The following EMC2 variants were observed in gnomAD, a reference collection of about 807,000 sequenced individuals.
EMC2 encodes TPR repeat protein 35.
In EMC2, 37 loss-of-function variants were observed where a neutral mutation model predicts 51.6. The observed-to-expected ratio is 0.72, with a 90% CI of 0.55 to 0.94. EMC2 has a LOEUF of 0.94. Ranked by LOEUF, EMC2 falls within the 40% of genes least tolerant of loss-of-function variation. The pLI, the probability that EMC2 is intolerant of heterozygous loss-of-function variation, is 0.00. For missense variants in EMC2, 359 were observed against 350.9 expected (o/e 1.02, Z -0.18); for synonymous variants, 131 against 112.4 (o/e 1.17, Z -1.04).
In EMC2 at chr8:108,486,493, T is replaced by TTA. The variant is rs1811140877; in HGVS notation, c.808-18_808-17insAT. 6 of 1,509,700 alleles carry TTA rather than the reference T, an allele frequency of 4.0e-6. No homozygotes were observed. Among genetic ancestry groups the TTA allele is most frequent in the Non-Finnish European group, 5.3e-6 (6 of 1,137,202 alleles). 93.5% of individuals were successfully genotyped at this position (1,509,700 alleles called of 1,614,324 possible). On this transcript the variant is annotated intron_variant, in intron 10 of 10. Transcript: ENST00000220853. Reference sequence around the variant, plus strand: ...TGAAATTGAGCCTAATTGAGCTTTTTTTTTTTTTTTTTAATTAGTTTGCAG... The same window carrying TTA: ...TGAAATTGAGCCTAATTGAGCTTTTTTATTTTTTTTTTTTAATTAGTTTGCAG...
At chr8:108,469,728 T>G in intron 5 of EMC2, 98 bp from the exon 6 acceptor site, 1 of 955,454 alleles carries the variant, frequency 1.0e-6, no homozygotes, top group South Asian at 1.4e-5. Flanking sequence ...ATGGAATTTC[T>G]CTGGCATTGA....
intron 5 of EMC2, among the ~76,000 whole-genome samples, chr8:108,466,654 G>T (rs966501770): frequency 6.6e-6 from 1 of 151,902 alleles, no homozygotes; most frequent in African/African-American, 2.4e-5. Context: ...ACATTTTGCT[G>T]TGTTGTCCAG....
At chr8:108,466,442 A>ATTTTTTTTTTTTTTT (rs869102478) in intron 5 of EMC2, among the ~76,000 whole-genome samples, 1 of 91,036 alleles carries the variant, frequency 1.1e-5, no homozygotes, top group African/African-American at 4.7e-5. Flanking sequence ...CTATGATAGA[A>ATTTTTTTTTTTTTTT]TTTTTTTTTT....
chr8:108,445,690 A>G (rs1400601028), intron 1 of EMC2, among the ~76,000 whole-genome samples: 5 of 152,096 alleles, frequency 3.3e-5, no homozygotes, highest in African/African-American at 7.2e-5. Flanking sequence ...TGAAGCACTT[A>G]CCCAATTGTG....
At chr8:108,459,703 T>A (rs892134383) in intron 5 of EMC2, among the ~76,000 whole-genome samples, 3 of 126,346 alleles carry the variant, frequency 2.4e-5, no homozygotes, top group East Asian at 2.4e-4. Flanking sequence ...CCAAGCCATG[T>A]GAGAGAGAGA....
chr8:108,487,509 G>A lies in EMC2; in HGVS notation c.*911G>A, dbSNP rs1811164549. ...AACAACCATTATGCTACCTTCAACAGTATTTGACATGTTTCAACAAAATAG... is the reference window on the plus strand; with the variant it reads ...AACAACCATTATGCTACCTTCAACAATATTTGACATGTTTCAACAAAATAG... On this transcript the variant is annotated 3_prime_UTR_variant, in exon 11 of 11. Transcript: ENST00000220853. Among the ~76,000 whole-genome samples the A allele has an allele frequency of 6.6e-6, 1 of 151,724 alleles. No homozygotes were observed. Among genetic ancestry groups the A allele is most frequent in the Non-Finnish European group, 1.5e-5 (1 of 67,912 alleles).
At chr8:108,454,958 G>T (rs936597441) in intron 4 of EMC2, among the ~76,000 whole-genome samples, 1 of 151,940 alleles carries the variant, frequency 6.6e-6, no homozygotes, top group South Asian at 2.1e-4. Flanking sequence ...CCTTGTACCT[G>T]TATAAGTAAT....
At position 108,487,346 on chromosome 8, in the gene EMC2, G is replaced by A. The variant is rs1811161487; in HGVS notation, c.*748G>A. On this transcript the variant is annotated 3_prime_UTR_variant, in exon 11 of 11. Transcript: ENST00000220853. ...AATATTAAAGAATCATAAAGAGTAG[G>A]GATTAAAGGGGTTGTAGTTATTTTT... is the stretch of plus-strand genomic sequence containing the variant. Among the ~76,000 whole-genome samples the A allele has an allele frequency of 6.6e-6, 1 of 150,770 alleles. No homozygotes were observed. The highest frequency in any genetic ancestry group is 2.1e-4 in the South Asian group (1 of 4,710).
chr8:108,477,781 A>C (rs940154323), intron 9 of EMC2, among the ~76,000 whole-genome samples: 15 of 152,098 alleles, frequency 9.9e-5, no homozygotes, highest in Admixed American at 2.6e-4. Context: ...ACTAATATAC[A>C]ACAAATTAAT....
At chr8:108,459,855 T>C (rs1819270512) in intron 5 of EMC2, among the ~76,000 whole-genome samples, 3 of 90,048 alleles carry the variant, frequency 3.3e-5, no homozygotes, top group South Asian at 8.2e-4. Flanking sequence ...AACCTATCTG[T>C]AATAAAAAAT....
At chr8:108,453,239 T>A in intron 4 of EMC2, 92 bp downstream of exon 4, 1 of 578,500 alleles carries the variant, frequency 1.7e-6, no homozygotes, top group Non-Finnish European at 3.1e-6. Context: ...CTAGAGTGTG[T>A]GGAATACTGT....
At chr8:108,478,513 T>C (rs7817023) in intron 9 of EMC2, among the ~76,000 whole-genome samples, 103,856 of 151,818 alleles carry the variant, frequency 0.68, 36,100 homozygotes, top group African/African-American at 0.81. Context: ...ATCTCTCTTA[T>C]TGGACTTAAA....
intron 5 of EMC2, among the ~76,000 whole-genome samples, chr8:108,468,613 ACT>A (rs1563698221): frequency 2.6e-5 from 4 of 152,022 alleles, no homozygotes; most frequent in Non-Finnish European, 5.9e-5. Flanking sequence ...GAGCCAAATC[ACT>A]CTCTTACCAC....
At chr8:108,469,229 T>G (rs1408372576) in intron 5 of EMC2, among the ~76,000 whole-genome samples, 1 of 152,204 alleles carries the variant, frequency 6.6e-6, no homozygotes, top group African/African-American at 2.4e-5. Flanking sequence ...CTGGTACATA[T>G]TTGATGAATG....
chr8:108,452,131 G>C (rs1819039848), intron 3 of EMC2, among the ~76,000 whole-genome samples: 1 of 152,318 alleles, frequency 6.6e-6, no homozygotes, highest in Non-Finnish European at 1.5e-5. Flanking sequence ...ATGTTGCTGA[G>C]AATGTAGATA....
At chr8:108,462,221 G>GTGTGTGTGTGTGTGTGTGCA (rs1491394436) in intron 5 of EMC2, among the ~76,000 whole-genome samples, 1 of 102,200 alleles carries the variant, frequency 9.8e-6, no homozygotes, top group East Asian at 3.9e-4. Flanking sequence ...TTTTGTGTGC[G>GTGTGTGTGTGTGTGTGTGCA]TGTGTGTGTA....
At position 108,486,832 on chromosome 8, in the gene EMC2, C is replaced by A. The variant is rs924683254; in HGVS notation, c.*234C>A. On this transcript the variant is annotated 3_prime_UTR_variant, in exon 11 of 11. Transcript: ENST00000220853. ...AGACTTATTGATTGTACATCAGTCT[C>A]TTCATATCACATATACATGTATATA... 2 of 364,932 alleles carry A rather than the reference C, an allele frequency of 5.5e-6. No individual in the cohort carries two copies. The allele number at this position is 364,932 out of a possible 1,614,324, so 22.6% of individuals were successfully genotyped here.
chr8:108,485,914 G>T (rs902012871), intron 10 of EMC2, among the ~76,000 whole-genome samples: 3 of 151,604 alleles, frequency 2.0e-5, no homozygotes, highest in African/African-American at 7.3e-5. Flanking sequence ...TTTAAAACAT[G>T]TTTACATTGT....
chr8:108,469,947 C>T (rs754135623), intron 6 of EMC2, 36 bp downstream of exon 6: 16 of 1,560,970 alleles, frequency 1.0e-5, no homozygotes, highest in African/African-American at 1.4e-5. Flanking sequence ...TTTTGTTATT[C>T]TGATAAATCT....
Sources: allele counts gnomAD v4.1 joint callset (sites outside exome capture counted in the v4.1 genomes callset), GRCh38; gene constraint gnomAD v4.1.1; transcripts MANE v1.5; gene names NCBI Gene and HGNC (gene_info 2026-07-23, HGNC 2026-07-21).